AKAP13: variants seen among roughly 807,000 people sequenced by gnomAD.
AKAP13 encodes A-kinase anchoring protein 13.
Under a neutral mutation model 264.5 loss-of-function variants are expected in AKAP13, and 80 were observed. The ratio of observed to expected loss-of-function variants is 0.30; its 90% CI spans 0.25 to 0.36. The LOEUF (loss-of-function observed/expected upper bound fraction) is 0.36. Ranked by LOEUF, AKAP13 falls within the 10% of genes least tolerant of loss-of-function variation. AKAP13 has a pLI of 1.00. For missense variants in AKAP13, 3,712 were observed against 3,435.2 expected (o/e 1.08, Z -2.01); for synonymous variants, 1,380 against 1,250.2 (o/e 1.10, Z -2.19).
At chr15:85,477,143 A>C (rs2075190339) in intron 1 of AKAP13, among the ~76,000 whole-genome samples, 1 of 152,068 alleles carries the variant, frequency 6.6e-6, no homozygotes, top group Non-Finnish European at 1.5e-5. Flanking sequence ...ATCCCAAAAG[A>C]ACTGTTCTAA....
At chr15:85,687,988 T>C (rs934800798) in intron 16 of AKAP13, among the ~76,000 whole-genome samples, 1 of 147,890 alleles carries the variant, frequency 6.8e-6, no homozygotes, top group Non-Finnish European at 1.5e-5. Flanking sequence ...TGCAGTACGC[T>C]GTGTGCACTC....
At chr15:85,412,067 A>G (rs2071998399) in intron 1 of AKAP13, among the ~76,000 whole-genome samples, 1 of 152,082 alleles carries the variant, frequency 6.6e-6, no homozygotes, top group Non-Finnish European at 1.5e-5. Flanking sequence ...TGCATAACTC[A>G]AGGAACCAGT....
chr15:85,507,958 A>T (rs985355343), intron 2 of AKAP13, among the ~76,000 whole-genome samples: 4 of 152,190 alleles, frequency 2.6e-5, no homozygotes, highest in Admixed American at 1.3e-4. Flanking sequence ...TGGCAAGGAT[A>T]TATTCCTAAA....
intron 6 of AKAP13, among the ~76,000 whole-genome samples, chr15:85,576,703 A>G (rs956307038): frequency 6.6e-6 from 1 of 152,186 alleles, no homozygotes; most frequent in African/African-American, 2.4e-5. Flanking sequence ...GGGTTATGTG[A>G]TGCTCCCACT....
chr15:85,668,376 C>T (rs2083721936), intron 13 of AKAP13, among the ~76,000 whole-genome samples: 1 of 152,132 alleles, frequency 6.6e-6, no homozygotes, highest in African/African-American at 2.4e-5. Flanking sequence ...GGAATGGGCT[C>T]TTATCACCAG....
In AKAP13 at chr15:85,575,254, T is replaced by C. The variant is rs376166636; in HGVS notation, c.786T>C (p.His262=). Reference sequence around the variant, plus strand: ...CATTAACCTCTGAGTCTGATTCACATCATGAACACCCATTTCCTGGAGACG... The same window carrying C: ...CATTAACCTCTGAGTCTGATTCACACCATGAACACCCATTTCCTGGAGACG... The part of the protein sequence containing the change: ...IYTLTSESDS[H]HEHPFPGDGC... Residue 262 remains histidine, a synonymous_variant, in exon 6 of 37, where the codon CAT becomes CAC. Coordinates refer to ENST00000394518, the MANE Select transcript of AKAP13 (RefSeq NM_007200.5). The C allele has an allele frequency of 4.0e-5, 64 of 1,614,038 alleles. No individual in the cohort carries two copies. In the Middle Eastern group the frequency reaches 6.6e-4, roughly 17 times the overall value.
chr15:85,665,525 T>A (rs1462017585), intron 13 of AKAP13, among the ~76,000 whole-genome samples: 4 of 152,206 alleles, frequency 2.6e-5, no homozygotes, highest in Non-Finnish European at 5.9e-5. Context: ...GAATTCTTTT[T>A]TTAAAAAATT....
intron 1 of AKAP13, among the ~76,000 whole-genome samples, chr15:85,385,807 C>T (rs2070529459): frequency 6.6e-6 from 1 of 152,058 alleles, no homozygotes; most frequent in Admixed American, 6.6e-5. Context: ...TCTGTTTTTA[C>T]TTGTCTTAAT....
chr15:85,679,226 T>A (rs988687250), intron 14 of AKAP13, among the ~76,000 whole-genome samples: 9 of 150,368 alleles, frequency 6.0e-5, no homozygotes, highest in African/African-American at 2.2e-4. Flanking sequence ...GGCGACAGTG[T>A]GAGACTCCAT....
chr15:85,523,907 A>G (rs180890030), intron 3 of AKAP13, among the ~76,000 whole-genome samples: 1 of 150,574 alleles, frequency 6.6e-6, no homozygotes, highest in East Asian at 2.0e-4. Flanking sequence ...TTTGTGTACC[A>G]GTTAGCTGCA....
chr15:85,693,100 C>A, intron 16 of AKAP13, 177 bp from the exon 17 acceptor site: 1 of 1,110,118 alleles, frequency 9.0e-7, no homozygotes, highest in Non-Finnish European at 1.2e-6. Flanking sequence ...ATGTAGCTTG[C>A]GTGCCAACGC....
chr15:85,569,338 G>A lies in AKAP13; in HGVS notation c.663-5793G>A, dbSNP rs114456155. On this transcript the variant is annotated intron_variant, in intron 5 of 36. Transcript: ENST00000394518. ...AGAGAATTGATGTGTTCACCTCTAG[G>A]AGATGAGGAAGAGGAGCCAGGGAAA... Among the ~76,000 whole-genome samples the A allele has an allele frequency of 7.2e-3, 1,101 of 152,260 alleles. 14 individuals carry two copies. The highest frequency in any genetic ancestry group is 0.022 in the African/African-American group (913 of 41,536).
chr15:85,721,897 T>G, intron 23 of AKAP13, 94 bp from the exon 24 acceptor site: 1 of 1,556,202 alleles, frequency 6.4e-7, no homozygotes, highest in Non-Finnish European at 8.7e-7. Context: ...GAGGAAGCGC[T>G]CTTGACTTTT....
intron 1 of AKAP13, among the ~76,000 whole-genome samples, chr15:85,398,356 C>A (rs8027261): frequency 0.57 from 87,202 of 151,932 alleles, 26,147 homozygotes; most frequent in African/African-American, 0.72. Context: ...TATAGTCCCC[C>A]AAAAGTACAC....
intron 23 of AKAP13, among the ~76,000 whole-genome samples, chr15:85,721,443 T>A (rs531272858): frequency 1.2e-4 from 18 of 152,350 alleles, no homozygotes; most frequent in Non-Finnish European, 2.4e-4. Flanking sequence ...TTCATTGATT[T>A]AGTGCAAAGT....
intron 3 of AKAP13, among the ~76,000 whole-genome samples, chr15:85,529,075 A>G (rs2077170116): frequency 6.6e-6 from 1 of 152,176 alleles, no homozygotes; most frequent in African/African-American, 2.4e-5. Context: ...ATTATATCAA[A>G]TTGGATACAG....
At chr15:85,645,580 T>C (rs551295630) in intron 9 of AKAP13, among the ~76,000 whole-genome samples, 1 of 152,284 alleles carries the variant, frequency 6.6e-6, no homozygotes, top group East Asian at 1.9e-4. Flanking sequence ...GGCAGATGCA[T>C]GATTGTCCTG....
chr15:85,665,986 A>T (rs2083573634), intron 13 of AKAP13, among the ~76,000 whole-genome samples: 1 of 152,202 alleles, frequency 6.6e-6, no homozygotes, highest in Non-Finnish European at 1.5e-5. Context: ...TAATAAACAT[A>T]CATGTGCATG....
At chr15:85,437,481 T>A (rs994517664) in intron 1 of AKAP13, among the ~76,000 whole-genome samples, 1 of 151,368 alleles carries the variant, frequency 6.6e-6, no homozygotes, top group African/African-American at 2.4e-5. Flanking sequence ...GAGGCCAGCA[T>A]CATTCTGATA....
Sources: allele counts gnomAD v4.1 joint callset (sites outside exome capture counted in the v4.1 genomes callset), GRCh38; gene constraint gnomAD v4.1.1; transcripts MANE v1.5; gene names NCBI Gene and HGNC (gene_info 2026-07-23, HGNC 2026-07-21).